The following ACYP2 variants were observed in gnomAD, a reference collection of about 807,000 sequenced individuals.
ACYP2 encodes acylphosphatase 2, also known as acylphosphatase-2.
ACYP2 carries 12 observed loss-of-function variants against 11.2 expected under a neutral mutation model. That is an observed-to-expected ratio of 1.08 (90% confidence interval 0.69 to 1.74). ACYP2 has a LOEUF of 1.74. Among genes scored for constraint, ACYP2 ranks in the 40% most tolerant of loss-of-function variants. The pLI is 0.00. For synonymous variants in ACYP2, 43 were observed against 32.2 expected (o/e 1.33, Z -1.13); for missense variants, 134 against 101.9 (o/e 1.31, Z -1.35).
chr2:54,135,770 A>G (rs1253307262), intron 5 of ACYP2, among the ~76,000 whole-genome samples: 1 of 152,198 alleles, frequency 6.6e-6, no homozygotes, highest in Non-Finnish European at 1.5e-5. Flanking sequence ...GACTTTCTAC[A>G]TGTTCTGGAT....
At chr2:54,102,961 A>G (rs889155950) in intron 4 of ACYP2, among the ~76,000 whole-genome samples, 31 of 152,292 alleles carry the variant, frequency 2.0e-4, no homozygotes, top group African/African-American at 7.0e-4. Flanking sequence ...CTGGTTTCCA[A>G]ATTGTGTCCA....
At chr2:54,128,499 C>G (rs369063554) in intron 4 of ACYP2, among the ~76,000 whole-genome samples, 1 of 152,048 alleles carries the variant, frequency 6.6e-6, no homozygotes, top group Non-Finnish European at 1.5e-5. Flanking sequence ...CAGACTCCAT[C>G]TCTACAAAAA....
At chr2:54,233,992 A>G (rs571433369) in intron 6 of ACYP2, among the ~76,000 whole-genome samples, 2 of 152,326 alleles carry the variant, frequency 1.3e-5, no homozygotes, top group Non-Finnish European at 2.9e-5. Context: ...TCACATTAGT[A>G]ACTGAAGAAA....
chr2:54,108,514 C>T (rs947352091), intron 4 of ACYP2, among the ~76,000 whole-genome samples: 1 of 152,222 alleles, frequency 6.6e-6, no homozygotes. Context: ...GGATAGGCTC[C>T]TTGCTTCCAT....
chr2:54,117,547 G>A (rs1307425284), intron 4 of ACYP2, among the ~76,000 whole-genome samples: 1 of 152,102 alleles, frequency 6.6e-6, no homozygotes, highest in Non-Finnish European at 1.5e-5. Flanking sequence ...CCTGCACTTC[G>A]CCTCCCAAAG....
intron 4 of ACYP2, 149 bp from the exon 1 acceptor site, chr2:54,115,466 T>C: frequency 8.8e-7 from 1 of 1,135,630 alleles, no homozygotes; most frequent in Non-Finnish European, 1.2e-6. Flanking sequence ...AGGCCTAGGA[T>C]GCCTGGGGCC....
Position 54,255,588 on chromosome 2 carries a change from C to A in ACYP2, c.405-49100C>A, listed in dbSNP as rs370598518. The A allele has an allele frequency of 3.1e-6, 5 of 1,613,634 alleles. No individual in the cohort carries two copies. In the African/African-American group the frequency reaches 6.7e-5, roughly 22 times the overall value. ...TCAGGGGCCCGGGCCCGGGCCCAGG[C>A]CCTGCCTCCCTGTTTACCTCATCTA... On this transcript the variant is annotated intron_variant, in intron 6 of 6. Coordinates refer to ENST00000607452, the MANE Select transcript of ACYP2 (RefSeq NM_001320586.2).
chr2:54,225,113 T>C (rs1010708693), intron 6 of ACYP2, among the ~76,000 whole-genome samples: 4 of 152,196 alleles, frequency 2.6e-5, no homozygotes, highest in Admixed American at 6.5e-5. Flanking sequence ...TCAGGTAATA[T>C]TGTCTACAGT....
intron 6 of ACYP2, among the ~76,000 whole-genome samples, chr2:54,153,659 G>A (rs1355905889): frequency 6.6e-6 from 1 of 150,686 alleles, no homozygotes; most frequent in Non-Finnish European, 1.5e-5. Context: ...GAGTGCAGTG[G>A]CGTGATCTCG....
intron 4 of ACYP2, among the ~76,000 whole-genome samples, chr2:54,095,153 T>C (rs1669805170): frequency 6.6e-6 from 1 of 152,082 alleles, no homozygotes; most frequent in South Asian, 2.1e-4. Context: ...CCTTAATCCA[T>C]TTAACCCTGA....
At chr2:54,273,156 A>G (rs1439023620) in intron 6 of ACYP2, among the ~76,000 whole-genome samples, 2 of 151,672 alleles carry the variant, frequency 1.3e-5, no homozygotes, top group African/African-American at 4.9e-5. Context: ...AAATTTAATA[A>G]ATAGAGTCTG....
chr2:54,098,180 G>A (rs539631845), intron 4 of ACYP2, among the ~76,000 whole-genome samples: 3 of 152,154 alleles, frequency 2.0e-5, no homozygotes, highest in African/African-American at 7.2e-5. Context: ...TGTTGGCCAG[G>A]CTGGTCTTGA....
At chr2:54,079,486 G>C (rs1209669580) in intron 4 of ACYP2, among the ~76,000 whole-genome samples, 1 of 152,160 alleles carries the variant, frequency 6.6e-6, no homozygotes, top group Admixed American at 6.5e-5. Flanking sequence ...TCTCCTTCTG[G>C]ATGGCACACA....
intron 4 of ACYP2, among the ~76,000 whole-genome samples, chr2:54,078,604 CT>C (rs11326614): frequency 0.37 from 51,653 of 141,052 alleles, 9,296 homozygotes; most frequent in East Asian, 0.66. Context: ...TCTCAATAAG[CT>C]TTTTTTTTTT....
In ACYP2 at chr2:54,057,357, TTAAG is replaced by T; in HGVS notation, c.277+3_277+6del. 2 of 397,916 alleles carry T rather than the reference TTAAG, an allele frequency of 5.0e-6. No homozygotes were observed. The highest frequency in any genetic ancestry group is 8.9e-6 in the Non-Finnish European group (2 of 225,598). The allele number at this position is 397,916 out of a possible 1,614,324, so 24.6% of individuals were successfully genotyped here. A position where few individuals can be genotyped will look rare whatever the true frequency, so the allele number is the denominator to read the frequency against. ...TACTTTCATAAAATCAACAATTTGC[TTAAG>T]TAAGTCTTCAAAATAAATACTGATT... On this transcript the variant is annotated splice_donor_variant and coding_sequence_variant, in exon 4 of 7. Coordinates refer to ENST00000607452, the MANE Select transcript of ACYP2 (RefSeq NM_001320586.2). LOFTEE classifies it high-confidence loss of function.
At chr2:54,170,012 C>T (rs972781626) in intron 6 of ACYP2, among the ~76,000 whole-genome samples, 1 of 152,078 alleles carries the variant, frequency 6.6e-6, no homozygotes, top group Non-Finnish European at 1.5e-5. Context: ...GACTCTTAAA[C>T]TAGTCTTTCC....
At chr2:54,100,108 T>C (rs1678813900) in intron 4 of ACYP2, among the ~76,000 whole-genome samples, 1 of 151,698 alleles carries the variant, frequency 6.6e-6, no homozygotes, top group Non-Finnish European at 1.5e-5. Flanking sequence ...TAATCACAAT[T>C]TAGTCTTCTG....
At chr2:54,005,271 G>T (rs1447874959) in intron 2 of ACYP2, among the ~76,000 whole-genome samples, 4 of 151,844 alleles carry the variant, frequency 2.6e-5, no homozygotes, top group Admixed American at 2.0e-4. Context: ...TTGTTGAAAA[G>T]ACTATATTTT....
At chr2:54,230,933 C>G (rs896797361) in intron 6 of ACYP2, among the ~76,000 whole-genome samples, 3 of 150,090 alleles carry the variant, frequency 2.0e-5, no homozygotes, top group African/African-American at 7.4e-5. Context: ...CGGATTCAAG[C>G]GATTCTCTTG....
Sources: gnomAD v4.1 joint callset for allele counts (sites outside exome capture counted in the v4.1 genomes callset) on GRCh38, gnomAD v4.1.1 for gene constraint, MANE v1.5 for transcripts, NCBI Gene and HGNC (gene_info 2026-07-23, HGNC 2026-07-21) for gene names.